CLVS1: variants seen among roughly 807,000 people sequenced by gnomAD.
CLVS1 encodes the protein clavesin-1.
Under a neutral mutation model 33.1 loss-of-function variants are expected in CLVS1, and 10 were observed. That is an observed-to-expected ratio of 0.30 (90% confidence interval 0.19 to 0.51). The LOEUF (loss-of-function observed/expected upper bound fraction) is 0.51. Among genes scored for constraint, CLVS1 ranks in the 20% least tolerant of loss-of-function variants. The pLI is 0.97. For missense variants in CLVS1, 343 were observed against 433.4 expected (o/e 0.79, Z 1.85); for synonymous variants, 163 against 166.1 (o/e 0.98, Z 0.14).
At chr8:61,031,193 C>A in the CLVS1 span, among the ~76,000 whole-genome samples, 1 of 152,168 alleles carries the variant, frequency 6.6e-6, no homozygotes, top group Admixed American at 6.5e-5. Flanking sequence ...TATCTCCAGG[C>A]TGAAGACAAA....
chr8:61,471,710 G>A (rs1817743243), intron 5 of CLVS1, among the ~76,000 whole-genome samples: 1 of 152,182 alleles, frequency 6.6e-6, no homozygotes, highest in Non-Finnish European at 1.5e-5. Context: ...GTGGTTACAG[G>A]AGCCCTCATT....
intron 3 of CLVS1, among the ~76,000 whole-genome samples, chr8:61,412,196 G>A (rs749005352): frequency 1.3e-5 from 2 of 152,212 alleles, no homozygotes; most frequent in Non-Finnish European, 2.9e-5. Context: ...GGTGGAGGAT[G>A]TGAATATATA....
At chr8:61,308,121 A>G (rs1315257817) in intron 2 of CLVS1, among the ~76,000 whole-genome samples, 2 of 152,226 alleles carry the variant, frequency 1.3e-5, no homozygotes, top group East Asian at 1.9e-4. Context: ...ATAATACTGC[A>G]CATATATAGA....
intron 3 of CLVS1, among the ~76,000 whole-genome samples, chr8:61,407,475 C>T (rs556562588): frequency 1.4e-4 from 21 of 152,216 alleles, no homozygotes; most frequent in African/African-American, 4.6e-4. Context: ...CTAGTTTATA[C>T]AATTATAAAA....
chr8:61,045,311 C>A, the CLVS1 span, among the ~76,000 whole-genome samples: 1 of 152,182 alleles, frequency 6.6e-6, no homozygotes, highest in Non-Finnish European at 1.5e-5. Context: ...ATCTTTCCTG[C>A]CCACAAGACC....
intron 1 of CLVS1, among the ~76,000 whole-genome samples, chr8:61,121,079 G>C (rs1342662302): frequency 6.6e-6 from 1 of 151,978 alleles, no homozygotes; most frequent in African/African-American, 2.4e-5. Context: ...CTCGTGGTGC[G>C]CCGTTTTTTA....
intron 1 of CLVS1, among the ~76,000 whole-genome samples, chr8:61,291,694 C>T (rs147367827): frequency 6.6e-6 from 1 of 152,174 alleles, no homozygotes; most frequent in Non-Finnish European, 1.5e-5. Context: ...CCCTCCCTCT[C>T]TCTAAATTTC....
At chr8:61,409,235 T>C (rs748053302) in intron 3 of CLVS1, among the ~76,000 whole-genome samples, 26 of 152,288 alleles carry the variant, frequency 1.7e-4, no homozygotes, top group Non-Finnish European at 2.8e-4. Context: ...GTCAGCAAAA[T>C]GTTTCTACTT....
At chr8:60,988,697 T>A in the CLVS1 span, among the ~76,000 whole-genome samples, 1 of 152,222 alleles carries the variant, frequency 6.6e-6, no homozygotes, top group South Asian at 2.1e-4. Context: ...AGAAGGAATT[T>A]TTTTTTGTTT....
chr8:61,199,190 G>A (rs1807677435), intron 2 of CLVS1, among the ~76,000 whole-genome samples: 1 of 152,048 alleles, frequency 6.6e-6, no homozygotes, highest in African/African-American at 2.4e-5. Flanking sequence ...TCCAGACATT[G>A]GCCTGGGCAA....
At chr8:60,969,758 A>T in the CLVS1 span, among the ~76,000 whole-genome samples, 1 of 152,226 alleles carries the variant, frequency 6.6e-6, no homozygotes, top group Non-Finnish European at 1.5e-5. Flanking sequence ...AGCATCCATG[A>T]ATTAACCAAC....
chr8:61,479,533 C>T (rs1233257277), intron 5 of CLVS1, among the ~76,000 whole-genome samples: 1 of 152,148 alleles, frequency 6.6e-6, no homozygotes, highest in Non-Finnish European at 1.5e-5. Context: ...GTTCTAACTT[C>T]CTCCTTTAGC....
chr8:61,109,277 GAAGT>G (rs1805588839), intron 1 of CLVS1, among the ~76,000 whole-genome samples: 8 of 151,988 alleles, frequency 5.3e-5, no homozygotes, highest in Admixed American at 5.2e-4. Context: ...AAGTCTAAAT[GAAGT>G]AATTTCCATC....
intron 2 of CLVS1, among the ~76,000 whole-genome samples, chr8:61,373,939 G>A (rs112243626): frequency 0.016 from 2,387 of 152,214 alleles, 26 homozygotes; most frequent in Non-Finnish European, 0.026. Context: ...TTTCACCCTT[G>A]TTCACAGTTC....
intron 3 of CLVS1, among the ~76,000 whole-genome samples, chr8:61,422,746 A>G (rs1175256645): frequency 3.3e-5 from 5 of 152,214 alleles, no homozygotes; most frequent in Non-Finnish European, 7.3e-5. Context: ...TGAAATAATC[A>G]TATAGGGAAA....
chr8:61,091,196 C>T (rs1304766529), intron 1 of CLVS1, among the ~76,000 whole-genome samples: 1 of 152,172 alleles, frequency 6.6e-6, no homozygotes, highest in East Asian at 1.9e-4. Context: ...CCATGCAAAG[C>T]AGAGATCTGA....
chr8:61,239,549 C>T (rs766752768), intron 2 of CLVS1, among the ~76,000 whole-genome samples: 10 of 152,062 alleles, frequency 6.6e-5, no homozygotes, highest in East Asian at 1.9e-4. Context: ...ACCTGGGCAA[C>T]GTGGTAAGAC....
intron 2 of CLVS1, among the ~76,000 whole-genome samples, chr8:61,322,167 G>C (rs569826795): frequency 6.6e-6 from 1 of 152,068 alleles, no homozygotes; most frequent in African/African-American, 2.4e-5. Context: ...ATATGTATTG[G>C]ATGAATGACT....
At chr8:61,451,810 CACAG>C (rs765514897) in intron 3 of CLVS1, among the ~76,000 whole-genome samples, 4 of 137,488 alleles carry the variant, frequency 2.9e-5, no homozygotes, top group African/African-American at 6.5e-5. Context: ...CACACACACA[CACAG>C]AGAGAGAGAG....
Sources: gnomAD v4.1 joint callset for allele counts (sites outside exome capture counted in the v4.1 genomes callset) on GRCh38, gnomAD v4.1.1 for gene constraint, MANE v1.5 for transcripts, NCBI Gene and HGNC (gene_info 2026-07-23, HGNC 2026-07-21) for gene names.